Variants in LINGO2 observed in about 807,000 individuals in gnomAD.
The protein encoded by LINGO2 is leucine-rich repeat and immunoglobulin-like domain-containing nogo receptor-interacting protein 2.
LINGO2 carries 14 observed loss-of-function variants against 30.6 expected under a neutral mutation model. The observed-to-expected ratio is 0.46, with a 90% CI of 0.30 to 0.72. The LOEUF is 0.72. Among genes scored for constraint, LINGO2 ranks in the 30% least tolerant of loss-of-function variants. LINGO2 has a pLI of 0.07. For missense variants in LINGO2, 729 were observed against 751.7 expected, an observed-to-expected ratio of 0.97 and a Z score of 0.35; for synonymous variants, 317 against 288.5, an observed-to-expected ratio of 1.10 and a Z score of -1.00.
At chr9:28,875,709 T>G in the LINGO2 span, among the ~76,000 whole-genome samples, 1 of 152,134 alleles carries the variant, frequency 6.6e-6, no homozygotes, top group Non-Finnish European at 1.5e-5. Context: ...TTTGGATTTG[T>G]CTGCTTGTTT....
At chr9:28,695,900 T>C in the LINGO2 span, among the ~76,000 whole-genome samples, 7 of 151,980 alleles carry the variant, frequency 4.6e-5, no homozygotes, top group African/African-American at 1.7e-4. Context: ...GTTTGATGCA[T>C]GTACTACTTG....
chr9:28,491,218 C>T lies in LINGO2; in HGVS notation c.-364-15193G>A, dbSNP rs1826383060. On this transcript the variant is annotated intron_variant, in intron 1 of 5. Transcript: ENST00000379992. Reference sequence around the variant, plus strand: ...AGCTAAAATCAAGGTGTATGCAGGGCTGATTCTTTCTGGAGGCTTCAGTGA... The same window carrying T: ...AGCTAAAATCAAGGTGTATGCAGGGTTGATTCTTTCTGGAGGCTTCAGTGA... Among the ~76,000 whole-genome samples the T allele has an allele frequency of 3.3e-5, 5 of 152,280 alleles. No homozygotes were observed. In the South Asian group the frequency reaches 1.0e-3, roughly 32 times the overall value.
At chr9:28,632,521 C>T (rs979118560) in intron 1 of LINGO2, among the ~76,000 whole-genome samples, 7 of 147,500 alleles carry the variant, frequency 4.7e-5, no homozygotes, top group African/African-American at 1.7e-4. Context: ...CTCTCTCTCT[C>T]GATATATAAT....
chr9:28,884,003 T>C, the LINGO2 span, among the ~76,000 whole-genome samples: 9 of 151,934 alleles, frequency 5.9e-5, no homozygotes, highest in Non-Finnish European at 1.3e-4. Context: ...GTGTTTATTA[T>C]ATTAATATAC....
At chr9:28,221,709 T>C (rs1201152843) in intron 4 of LINGO2, among the ~76,000 whole-genome samples, 2 of 152,310 alleles carry the variant, frequency 1.3e-5, no homozygotes, top group Admixed American at 6.5e-5. Flanking sequence ...TTTTACAACA[T>C]ATAAAAGATG....
intron 5 of LINGO2, among the ~76,000 whole-genome samples, chr9:27,988,039 T>C (rs1193899293): frequency 6.6e-6 from 1 of 152,010 alleles, no homozygotes; most frequent in Non-Finnish European, 1.5e-5. Flanking sequence ...TGTGTGATGT[T>C]CCCCTTCCTG....
chr9:28,172,370 G>A (rs1587136124), intron 4 of LINGO2, among the ~76,000 whole-genome samples: 3 of 148,270 alleles, frequency 2.0e-5, no homozygotes, highest in Non-Finnish European at 4.4e-5. Context: ...CAGCCTGGGC[G>A]ACAGAGCGAG....
rs562728828 is a variant in LINGO2 at position 28,127,159 on chromosome 9, C to T, written c.-86-114754G>A. Among the ~76,000 whole-genome samples, 35 of 152,268 alleles carry T rather than the reference C, an allele frequency of 2.3e-4. No homozygotes were observed. The South Asian group carries it at 3.1e-3, about 14-fold the overall frequency. On this transcript the variant is annotated intron_variant, in intron 4 of 5. Transcript: ENST00000379992. Reference sequence around the variant, plus strand: ...TCTTCCTTCTCTGTACTTGCCACACCTTTCATCTAGAAGTAGAAACGTAAG... The same window carrying T: ...TCTTCCTTCTCTGTACTTGCCACACTTTTCATCTAGAAGTAGAAACGTAAG...
rs534042737 is a variant in LINGO2 at position 28,589,901 on chromosome 9, A to C, written c.-365+80299T>G. Among the ~76,000 whole-genome samples, 165 of 152,170 alleles carry C rather than the reference A, an allele frequency of 1.1e-3. 3 individuals carry two copies. The East Asian group carries it at 0.027, about 25-fold the overall frequency. Reference sequence around the variant, plus strand: ...AGGCATCACACTACCTGACTTCAAAATATACTACAAGGCTACAGTAACCAA... The same window carrying C: ...AGGCATCACACTACCTGACTTCAAACTATACTACAAGGCTACAGTAACCAA... On this transcript the variant is annotated intron_variant, in intron 1 of 5. Transcript: ENST00000379992.
the LINGO2 span, among the ~76,000 whole-genome samples, chr9:29,091,835 T>C: frequency 6.6e-6 from 1 of 152,056 alleles, no homozygotes; most frequent in Non-Finnish European, 1.5e-5. Flanking sequence ...TTAGGCCCCA[T>C]AGACATGACA....
At chr9:29,150,224 C>T in the LINGO2 span, among the ~76,000 whole-genome samples, 3 of 152,060 alleles carry the variant, frequency 2.0e-5, no homozygotes, top group African/African-American at 7.3e-5. Flanking sequence ...AAATAAAGAT[C>T]CTATACAAAG....
the LINGO2 span, among the ~76,000 whole-genome samples, chr9:29,056,611 T>C: frequency 1.3e-5 from 2 of 152,162 alleles, no homozygotes; most frequent in Non-Finnish European, 2.9e-5. Flanking sequence ...CATCCTTTTA[T>C]CTTTGTTTTT....
the LINGO2 span, among the ~76,000 whole-genome samples, chr9:29,202,948 A>G: frequency 6.6e-6 from 1 of 152,122 alleles, no homozygotes; most frequent in African/African-American, 2.4e-5. Context: ...ATGTATTTCA[A>G]TTCACATTTA....
At chr9:28,055,683 T>A (rs546223800) in intron 4 of LINGO2, among the ~76,000 whole-genome samples, 74 of 152,296 alleles carry the variant, frequency 4.9e-4, no homozygotes, top group Non-Finnish European at 1.9e-4. Context: ...AAAAACAAAA[T>A]GCTTCTTTGT....
intron 4 of LINGO2, among the ~76,000 whole-genome samples, chr9:28,222,827 A>G (rs912276538): frequency 6.6e-6 from 1 of 152,300 alleles, no homozygotes; most frequent in Non-Finnish European, 1.5e-5. Context: ...TTCCAAAATC[A>G]AGATATGAAG....
chr9:28,298,263 G>T (rs191722679), intron 3 of LINGO2, among the ~76,000 whole-genome samples: 1 of 151,992 alleles, frequency 6.6e-6, no homozygotes, highest in Non-Finnish European at 1.5e-5. Context: ...GATTTCCAAA[G>T]GATTTAATTA....
chr9:28,315,134 G>A (rs888401371), intron 3 of LINGO2, among the ~76,000 whole-genome samples: 1 of 150,612 alleles, frequency 6.6e-6, no homozygotes, highest in African/African-American at 2.5e-5. Context: ...TAAAAAAAGA[G>A]ACACACTCGC....
chr9:28,693,133 T>G, the LINGO2 span, among the ~76,000 whole-genome samples: 4 of 152,110 alleles, frequency 2.6e-5, no homozygotes, highest in South Asian at 6.2e-4. Context: ...TTCTCCAATT[T>G]TGTGCTTTAG....
At chr9:28,859,637 T>C in the LINGO2 span, among the ~76,000 whole-genome samples, 1 of 152,038 alleles carries the variant, frequency 6.6e-6, no homozygotes, top group African/African-American at 2.4e-5. Context: ...ATATCATAGA[T>C]GCATTAGGAG....
Sources: allele counts gnomAD v4.1 joint callset (sites outside exome capture counted in the v4.1 genomes callset), GRCh38; gene constraint gnomAD v4.1.1; transcripts MANE v1.5; gene names NCBI Gene and HGNC (gene_info 2026-07-23, HGNC 2026-07-21).